CRAMP1: variants seen among roughly 807,000 people sequenced by gnomAD.
CRAMP1 encodes cramped chromatin regulator 1.
A neutral mutation model predicts 115.4 loss-of-function variants in CRAMP1; 50 were observed. That is an observed-to-expected ratio of 0.43 (90% CI 0.35 to 0.55). The LOEUF (loss-of-function observed/expected upper bound fraction) is 0.55, where lower values mean the gene tolerates loss of function less well. CRAMP1 is among the 20% of genes least tolerant of loss of function. The pLI, the probability that CRAMP1 is intolerant of heterozygous loss-of-function variation, is 0.01. For synonymous variants in CRAMP1, 866 were observed against 745.4 expected (o/e 1.16, Z -2.64); for missense variants, 1,679 against 1,721.7 (o/e 0.98, Z 0.44).
intron 6 of CRAMP1, among the ~76,000 whole-genome samples, chr16:1,644,629 G>A (rs538909620): frequency 2.0e-5 from 3 of 152,162 alleles, no homozygotes; most frequent in Non-Finnish European, 4.4e-5. Context: ...GGAATCACCT[G>A]GCCCAGGGAA....
At chr16:1,638,053 C>T (rs915144030) in intron 5 of CRAMP1, 146 bp downstream of exon 5, 10 of 464,620 alleles carry the variant, frequency 2.2e-5, no homozygotes, top group Non-Finnish European at 3.4e-5. Context: ...TGATGGCGGC[C>T]GTGCTCTTTA....
Position 1,671,022 on chromosome 16 carries a change from C to T in CRAMP1, c.3645+213C>T, listed in dbSNP as rs1218841727. On this transcript the variant is annotated intron_variant, in intron 20 of 20. Coordinates refer to ENST00000397412, the MANE Select transcript of CRAMP1 (RefSeq NM_020825.4). The surrounding 1 kb of genome is among the most constrained non-coding windows in gnomAD (Gnocchi z 5.0). ...TCGTCCCCACATGCAGAATGACAGA[C>T]TTAGTCATAGCTGAGCTCTGCAGGC... is the stretch of plus-strand genomic sequence containing the variant. 1.3e-5 allele frequency among the ~76,000 whole-genome samples: 2 copies of T among 152,168 alleles called. No homozygotes were observed. Among genetic ancestry groups the T allele is most frequent in the Non-Finnish European group, 2.9e-5 (2 of 68,036 alleles).
At chr16:1,618,263 C>G (rs1182927986) in intron 2 of CRAMP1, among the ~76,000 whole-genome samples, 1 of 152,166 alleles carries the variant, frequency 6.6e-6, no homozygotes, top group Non-Finnish European at 1.5e-5. Flanking sequence ...GCCTGGGCAA[C>G]AAGGGTGAGA....
In CRAMP1 at chr16:1,655,941, C is replaced by T. The variant is rs779285294; in HGVS notation, c.1184C>T (p.Thr395Ile). 6 of 1,613,016 alleles carry T rather than the reference C, an allele frequency of 3.7e-6. No individual in the cohort carries two copies. Among genetic ancestry groups the T allele is most frequent in the Non-Finnish European group, 5.1e-6 (6 of 1,179,874 alleles). ...TCCGCACCGATGCAGGAGAAGGTGACACTGCACTTGTTCCCAGGCGAGAAC... is the reference window on the plus strand; with the variant it reads ...TCCGCACCGATGCAGGAGAAGGTGATACTGCACTTGTTCCCAGGCGAGAAC... ...SCSAPMQEKV[T>I]LHLFPGENCT... The change falls in exon 10 of 21, where the codon ACA becomes ATA. Residue 395 changes from threonine to isoleucine, a missense_variant. Thr to Ile is a moderately conservative substitution (Grantham distance 89, BLOSUM62 -1). Transcript: ENST00000397412.
intron 2 of CRAMP1, among the ~76,000 whole-genome samples, chr16:1,624,203 T>A (rs2036489175): frequency 6.6e-6 from 1 of 151,768 alleles, no homozygotes; most frequent in Non-Finnish European, 1.5e-5. Flanking sequence ...CCCAGACTGG[T>A]GTGCAATGGC....
At chr16:1,661,171 AAGT>A (rs1280949425) in intron 11 of CRAMP1, among the ~76,000 whole-genome samples, 1 of 152,098 alleles carries the variant, frequency 6.6e-6, no homozygotes, top group Middle Eastern at 3.2e-3. Flanking sequence ...AAAATAAAAA[AAGT>A]AGTTGAATGT....
In CRAMP1 at chr16:1,662,572, T is replaced by C. The variant is rs201094456; in HGVS notation, c.2496T>C (p.Ala832=). 6.0e-4 allele frequency: 968 copies of C among 1,613,984 alleles called. 3 individuals are homozygous for C. The highest frequency in any genetic ancestry group is 2.2e-3 in the South Asian group (199 of 91,082). The part of the protein sequence containing the change: ...GSNDSDGGLF[A]VPTTLPPNSR... ...ATGACTCAGATGGAGGCCTTTTTGC[T>C]GTCCCGACAACCTTGCCACCCAACA... The change falls in exon 12 of 21, where the codon GCT becomes GCC. Residue 832 remains alanine (A), a synonymous_variant. Coordinates refer to ENST00000397412, the MANE Select transcript of CRAMP1 (RefSeq NM_020825.4).
chr16:1,615,038 C>CG, intron 2 of CRAMP1, 53 bp downstream of exon 2: 1 of 1,090,412 alleles, frequency 9.2e-7, no homozygotes, highest in Non-Finnish European at 1.2e-6. Context: ...GGGTGTGCCG[C>CG]GGGGGAGAGG....
At chr16:1,652,674 T>G (rs967889739) in intron 7 of CRAMP1, 93 bp downstream of exon 7, 7 of 1,154,492 alleles carry the variant, frequency 6.1e-6, no homozygotes, top group Non-Finnish European at 8.8e-6. Flanking sequence ...GCTGCCACAG[T>G]TGCTTTGTGT....
intron 2 of CRAMP1, among the ~76,000 whole-genome samples, chr16:1,624,537 G>GCC (rs2036492777): frequency 6.6e-6 from 1 of 150,444 alleles, no homozygotes; most frequent in African/African-American, 2.5e-5. Context: ...TCCTGCCTCA[G>GCC]TCTCCCAAGT....
chr16:1,652,419 C>G (rs1334127790), intron 6 of CRAMP1, 77 bp from the exon 7 acceptor site: 1 of 1,335,610 alleles, frequency 7.5e-7, no homozygotes, highest in Non-Finnish European at 1.0e-6. Flanking sequence ...CCTGGCTCAG[C>G]GCCTCTCCGT....
At chr16:1,640,964 C>T (rs892581875) in intron 5 of CRAMP1, among the ~76,000 whole-genome samples, 175 bp from the exon 6 acceptor site, 3 of 152,268 alleles carry the variant, frequency 2.0e-5, no homozygotes, top group Middle Eastern at 3.4e-3. Context: ...GCAGCTGACT[C>T]GAAGGTGTGA....
At chr16:1,649,785 ATT>A (rs35942594) in intron 6 of CRAMP1, among the ~76,000 whole-genome samples, 1,852 of 65,818 alleles carry the variant, frequency 0.028, 21 homozygotes, top group African/African-American at 0.12. Context: ...ATGAGCCACT[ATT>A]TTTTTTTTTT....
chr16:1,619,592 A>G (rs1250253805), intron 2 of CRAMP1, among the ~76,000 whole-genome samples: 2 of 152,242 alleles, frequency 1.3e-5, no homozygotes, highest in Non-Finnish European at 2.9e-5. Flanking sequence ...GGATACAATT[A>G]GAAAATCTGC....
chr16:1,634,295 A>G (rs768287120), intron 4 of CRAMP1, among the ~76,000 whole-genome samples: 1 of 152,224 alleles, frequency 6.6e-6, no homozygotes, highest in African/African-American at 2.4e-5. Context: ...GTTCAAATGC[A>G]CATTCTACTT....
rs1330418090 is a variant in CRAMP1 at position 1,656,489 on chromosome 16, C to T, written c.1732C>T (p.Arg578Cys). The change falls in exon 10 of 21, where the codon CGC (arginine) becomes TGC (cysteine). Residue 578 changes from arginine to cysteine, a missense_variant. Arg to Cys is a radical substitution (Grantham distance 180, BLOSUM62 -3). Coordinates refer to ENST00000397412, the MANE Select transcript of CRAMP1 (RefSeq NM_020825.4). This position sits in a 1 kb window ranked among gnomAD's most constrained non-coding sequence, Gnocchi z 5.6. ...GGACCTCATTGTCCCCGAGCAGTGCCGCTGTGCGGACACACGGCCTGGGAG... is the reference window on the plus strand; with the variant it reads ...GGACCTCATTGTCCCCGAGCAGTGCTGCTGTGCGGACACACGGCCTGGGAG... ...CQDLIVPEQC[R>C]CADTRPGSEQ... 2.2e-5 allele frequency: 34 copies of T among 1,575,774 alleles called. No individual in the cohort carries two copies. Among genetic ancestry groups the T allele is most frequent in the East Asian group, 4.7e-5 (2 of 42,436 alleles).
At chr16:1,655,597 G>A (rs942773134) in intron 9 of CRAMP1, among the ~76,000 whole-genome samples, 1 of 152,162 alleles carries the variant, frequency 6.6e-6, no homozygotes, top group Non-Finnish European at 1.5e-5. Flanking sequence ...TGAGCAAAAC[G>A]ACCAAGGGTC....
In CRAMP1 at chr16:1,614,918, G is replaced by A. The variant is rs1370460262; in HGVS notation, c.279G>A (p.Arg93=). 2 of 1,301,746 alleles carry A rather than the reference G, an allele frequency of 1.5e-6. No individual in the cohort carries two copies. Among genetic ancestry groups the A allele is most frequent in the East Asian group, 3.1e-5 (1 of 32,644 alleles). 80.6% of individuals were successfully genotyped at this position (1,301,746 alleles called of 1,614,324 possible). A position where few individuals can be genotyped will look rare whatever the true frequency, so the allele number is the denominator to read the frequency against. The change falls in exon 2 of 21, where the codon AGG becomes AGA. Residue 93 remains arginine (R), a synonymous_variant. Coordinates refer to ENST00000397412, the MANE Select transcript of CRAMP1 (RefSeq NM_020825.4). This position sits in a 1 kb window ranked among gnomAD's most constrained non-coding sequence, Gnocchi z 4.4. ...LRSSVRPQSK[R]PRKDPPSAVG... ...CCAGCGTGCGGCCGCAGAGCAAGAG[G>A]CCCAGGAAGGATCCTCCGAGCGCTG...
At chr16:1,670,959 A>G in intron 20 of CRAMP1, 150 bp downstream of exon 20, 1 of 712,524 alleles carries the variant, frequency 1.4e-6, no homozygotes, top group South Asian at 1.9e-5. Flanking sequence ...GTCCCTGACT[A>G]CTGAGAATGG....
Sources: allele counts gnomAD v4.1 joint callset (sites outside exome capture counted in the v4.1 genomes callset), GRCh38; gene constraint gnomAD v4.1.1; non-coding constraint Gnocchi (gnomAD v3.1); transcripts MANE v1.5; gene names NCBI Gene and HGNC (gene_info 2026-07-23, HGNC 2026-07-21).